The following SELENOF variants were observed in gnomAD, a reference collection of about 807,000 sequenced individuals.
SELENOF encodes the protein 15 kDa selenoprotein.
In SELENOF, 16 loss-of-function variants were observed where a neutral mutation model predicts 20.5. That is an observed-to-expected ratio of 0.78 (90% CI 0.53 to 1.19). The LOEUF (loss-of-function observed/expected upper bound fraction) is 1.19. SELENOF is among the 50% of genes most tolerant of loss of function. SELENOF has a pLI of 0.00. For synonymous variants in SELENOF, 78 were observed against 74.5 expected (o/e 1.05, Z -0.24); for missense variants, 215 against 194.2 (o/e 1.11, Z -0.64).
chr1:86,896,227 G>A (rs144638133), intron 2 of SELENOF, among the ~76,000 whole-genome samples: 2,265 of 139,484 alleles, frequency 0.016, 62 homozygotes, highest in African/African-American at 0.056. Context: ...TGGGCAACAA[G>A]AGCAAAACTT....
At chr1:86,889,107 T>C (rs1367090930) in intron 2 of SELENOF, among the ~76,000 whole-genome samples, 1 of 151,974 alleles carries the variant, frequency 6.6e-6, no homozygotes, top group Non-Finnish European at 1.5e-5. Context: ...TTCAATATTA[T>C]ACAAAATTTA....
intron 1 of SELENOF, among the ~76,000 whole-genome samples, chr1:86,904,700 A>G (rs993913453): frequency 1.4e-4 from 21 of 152,154 alleles, no homozygotes; most frequent in African/African-American, 4.6e-4. Context: ...ACTCATTAAT[A>G]TAGCCTGGTT....
intron 2 of SELENOF, among the ~76,000 whole-genome samples, chr1:86,881,443 G>A (rs1236086753): frequency 2.0e-5 from 3 of 152,180 alleles, no homozygotes; most frequent in Admixed American, 6.5e-5. Context: ...TAGTTGCAGA[G>A]CCTGACTATT....
chr1:86,874,853 C>T (rs1658883670), intron 3 of SELENOF, among the ~76,000 whole-genome samples: 1 of 152,120 alleles, frequency 6.6e-6, no homozygotes, highest in African/African-American at 2.4e-5. Flanking sequence ...TATCCAGAAA[C>T]ATCAATATAG....
At chr1:86,890,664 T>G (rs954246580) in intron 2 of SELENOF, among the ~76,000 whole-genome samples, 1 of 151,694 alleles carries the variant, frequency 6.6e-6, no homozygotes, top group Admixed American at 6.6e-5. Context: ...AGCTTTTTTT[T>G]TTTTTTTAAT....
chr1:86,908,558 T>C (rs985376236), intron 1 of SELENOF, among the ~76,000 whole-genome samples: 3 of 152,222 alleles, frequency 2.0e-5, no homozygotes, highest in Non-Finnish European at 4.4e-5. Flanking sequence ...CCACTGTTAC[T>C]GACTACCATA....
chr1:86,900,720 A>G (rs1228761617), intron 2 of SELENOF, among the ~76,000 whole-genome samples: 1 of 152,026 alleles, frequency 6.6e-6, no homozygotes, highest in Non-Finnish European at 1.5e-5. Context: ...TTGTATTTTT[A>G]GTAGAGATGG....
At chr1:86,869,377 A>G (rs1012382104) in intron 3 of SELENOF, among the ~76,000 whole-genome samples, 1 of 152,222 alleles carries the variant, frequency 6.6e-6, no homozygotes, top group African/African-American at 2.4e-5. Flanking sequence ...ATTATGATCT[A>G]TATTTAGTGA....
At chr1:86,907,330 C>T (rs1305693815) in intron 1 of SELENOF, among the ~76,000 whole-genome samples, 1 of 152,146 alleles carries the variant, frequency 6.6e-6, no homozygotes, top group African/African-American at 2.4e-5. Flanking sequence ...TATCACTATA[C>T]TAGACATGGG....
chr1:86,879,916 A>C (rs1209710229), intron 3 of SELENOF, among the ~76,000 whole-genome samples: 1 of 152,156 alleles, frequency 6.6e-6, no homozygotes, highest in Non-Finnish European at 1.5e-5. Context: ...TTCTTTGGCA[A>C]TTACTTCTTT....
intron 3 of SELENOF, among the ~76,000 whole-genome samples, chr1:86,871,431 T>A (rs1658766649): frequency 6.6e-6 from 1 of 152,180 alleles, no homozygotes; most frequent in Non-Finnish European, 1.5e-5. Context: ...TACTAAAGGA[T>A]TCAAAAGAAT....
chr1:86,903,952 T>C (rs1256833961), intron 1 of SELENOF, among the ~76,000 whole-genome samples: 2 of 152,236 alleles, frequency 1.3e-5, no homozygotes. Context: ...AAGCTTTTTT[T>C]CTTAAACATC....
At position 86,903,330 on chromosome 1, in the gene SELENOF, G is replaced by C. The variant is rs773871233; in HGVS notation, c.203C>G (p.Pro68Arg). ...CTCCTGACAGCATCCTCTGCAATCAGGATCCAGCTGAAGCAGGTTGAACTG... is the reference window on the plus strand; with the variant it reads ...CTCCTGACAGCATCCTCTGCAATCACGATCCAGCTGAAGCAGGTTGAACTG... ...LGQFNLLQLD[P>R]DCRGCCQEEA... The change falls in exon 2 of 5, where the codon CCT becomes CGT. Residue 68 changes from proline (P) to arginine (R), a missense_variant. Coordinates refer to ENST00000331835, the MANE Select transcript of SELENOF (RefSeq NM_004261.5). 6.2e-7 allele frequency: 1 copy of C among 1,612,074 alleles called. No homozygotes were observed. Among genetic ancestry groups the C allele is most frequent in the South Asian group, 1.1e-5 (1 of 90,586 alleles).
At chr1:86,873,499 T>C (rs1401464214) in intron 3 of SELENOF, among the ~76,000 whole-genome samples, 1 of 152,210 alleles carries the variant, frequency 6.6e-6, no homozygotes, top group African/African-American at 2.4e-5. Flanking sequence ...TGGTGGTTAC[T>C]GACCATCTGA....
intron 1 of SELENOF, among the ~76,000 whole-genome samples, chr1:86,909,403 A>C (rs1468216471): frequency 6.6e-6 from 1 of 152,130 alleles, no homozygotes; most frequent in Non-Finnish European, 1.5e-5. Flanking sequence ...TTTCTGAGTC[A>C]TTTTTGTATT....
intron 2 of SELENOF, chr1:86,887,066 C>A: frequency 1.5e-6 from 2 of 1,349,422 alleles, no homozygotes; most frequent in Non-Finnish European, 1.9e-6. Context: ...ATCACCTAAA[C>A]CATGTTTAGT....
intron 2 of SELENOF, 150 bp downstream of exon 2, chr1:86,903,131 A>T (rs1659742919): frequency 1.6e-6 from 1 of 627,878 alleles, no homozygotes; most frequent in African/African-American, 1.9e-5. Flanking sequence ...CTTTGATTGA[A>T]CTAATAGGCC....
intron 3 of SELENOF, among the ~76,000 whole-genome samples, chr1:86,871,262 T>C (rs1395221028): frequency 6.6e-6 from 1 of 152,152 alleles, no homozygotes; most frequent in African/African-American, 2.4e-5. Flanking sequence ...GATAAGGTGA[T>C]AATAAAAACA....
intron 1 of SELENOF, among the ~76,000 whole-genome samples, chr1:86,905,412 C>G (rs1659803149): frequency 6.6e-6 from 1 of 152,168 alleles, no homozygotes; most frequent in Non-Finnish European, 1.5e-5. Flanking sequence ...CACCTTGTAA[C>G]ATCTTACTTA....
Sources: gnomAD v4.1 joint callset for allele counts (sites outside exome capture counted in the v4.1 genomes callset) on GRCh38, gnomAD v4.1.1 for gene constraint, MANE v1.5 for transcripts, NCBI Gene and HGNC (gene_info 2026-07-23, HGNC 2026-07-21) for gene names.